Variants in KIF13A observed in about 807,000 individuals in gnomAD.
KIF13A encodes the protein kinesin family member 13A.
KIF13A carries 79 observed loss-of-function variants against 212.2 expected under a neutral mutation model. That is an observed-to-expected ratio of 0.37 (90% confidence interval 0.31 to 0.45). KIF13A has a LOEUF of 0.45. KIF13A is among the 20% of genes least tolerant of loss of function. The pLI is 1.00. For missense variants in KIF13A, 1,901 were observed against 2,209.0 expected (o/e 0.86, Z 2.79); for synonymous variants, 789 against 808.6 (o/e 0.98, Z 0.41).
intron 2 of KIF13A, among the ~76,000 whole-genome samples, chr6:17,960,797 G>C (rs1200357958): frequency 6.6e-6 from 1 of 152,202 alleles, no homozygotes; most frequent in Non-Finnish European, 1.5e-5. Flanking sequence ...TAGTGCAGGA[G>C]AAACAGCAAA....
chr6:17,962,800 T>C (rs916906947), intron 2 of KIF13A, among the ~76,000 whole-genome samples: 2 of 152,212 alleles, frequency 1.3e-5, no homozygotes, highest in Non-Finnish European at 2.9e-5. Context: ...AATCTACACC[T>C]TTCCATTTAA....
At chr6:17,830,582 C>T (rs979913837) in intron 13 of KIF13A, among the ~76,000 whole-genome samples, 2 of 152,304 alleles carry the variant, frequency 1.3e-5, no homozygotes, top group South Asian at 2.1e-4. Context: ...CACCTCTACA[C>T]CTGAAGGGTG....
At chr6:17,902,662 C>A (rs1280062245) in intron 2 of KIF13A, among the ~76,000 whole-genome samples, 1 of 152,168 alleles carries the variant, frequency 6.6e-6, no homozygotes, top group Non-Finnish European at 1.5e-5. Flanking sequence ...CTCAATTCCT[C>A]ACCAGCCTTG....
At chr6:17,976,554 C>A (rs573659926) in intron 2 of KIF13A, among the ~76,000 whole-genome samples, 1 of 152,310 alleles carries the variant, frequency 6.6e-6, no homozygotes, top group Non-Finnish European at 1.5e-5. Context: ...GCCCCGGTTC[C>A]CGCTCGCGCC....
Position 17,773,657 on chromosome 6 carries a change from C to T in KIF13A, c.4219-74G>A. ...AGAAATAAAGCCCAGGTTGGAGTTTCTTCTGTTTTTTTTTAATGGCAGCAT... is the reference window on the plus strand; with the variant it reads ...AGAAATAAAGCCCAGGTTGGAGTTTTTTCTGTTTTTTTTTAATGGCAGCAT... On this transcript the variant is annotated intron_variant, in intron 35 of 38. Transcript: ENST00000259711. This position sits in a 1 kb window ranked among gnomAD's most constrained non-coding sequence, Gnocchi z 4.2. 1 of 781,926 alleles carries T rather than the reference C, an allele frequency of 1.3e-6. No homozygotes were observed. Among genetic ancestry groups the T allele is most frequent in the Non-Finnish European group, 2.1e-6 (1 of 487,456 alleles). The allele number at this position is 781,926 out of a possible 1,614,324, so 48.4% of individuals were successfully genotyped here.
At chr6:17,780,992 A>G in intron 30 of KIF13A, 86 bp from the exon 31 acceptor site, 2 of 1,383,936 alleles carry the variant, frequency 1.4e-6, no homozygotes, top group South Asian at 1.3e-5. Flanking sequence ...GAAAGAAAAT[A>G]AATTCAACTC....
chr6:17,885,166 T>C (rs1020443314), intron 3 of KIF13A, among the ~76,000 whole-genome samples: 2 of 151,888 alleles, frequency 1.3e-5, no homozygotes, highest in African/African-American at 4.8e-5. Context: ...GGAACTGGAC[T>C]GAAACTGAAA....
Position 17,876,382 on chromosome 6 carries a change from A to C in KIF13A, c.160-2945T>G, listed in dbSNP as rs145516612. Among the ~76,000 whole-genome samples, 10 of 152,296 alleles carry C rather than the reference A, an allele frequency of 6.6e-5. No homozygotes were observed. The East Asian group carries it at 1.9e-3, about 29-fold the overall frequency. On this transcript the variant is annotated intron_variant, in intron 3 of 38. Transcript: ENST00000259711. Reference sequence around the variant, plus strand: ...TGGAACTTGTCCTTACCTCAGAATTACTAAGTATAATTTCATCTCTGTCCT... The same window carrying C: ...TGGAACTTGTCCTTACCTCAGAATTCCTAAGTATAATTTCATCTCTGTCCT...
chr6:17,987,447 A>C lies in KIF13A; in HGVS notation c.17T>G (p.Val6Gly). 7.5e-7 allele frequency: 1 copy of C among 1,334,032 alleles called. No individual in the cohort carries two copies. 82.6% of individuals were successfully genotyped at this position (1,334,032 alleles called of 1,614,324 possible). A position where few individuals can be genotyped will look rare whatever the true frequency, so the allele number is the denominator to read the frequency against. MSDTKVKVAVRVRPMN... is the reference protein window; with the variant it reads MSDTKGKVAVRVRPMN... Reference sequence around the variant, plus strand: ...GGGCCGGACCCGGACGGCAACTTTTACCTTGGTATCCGACATGTTGGCTGC... The same window carrying C: ...GGGCCGGACCCGGACGGCAACTTTTCCCTTGGTATCCGACATGTTGGCTGC... The change falls in exon 1 of 39, where the codon GTA becomes GGA. Residue 6 changes from valine to glycine, a missense_variant. By Grantham distance (109) the Val-to-Gly change is moderately radical (BLOSUM62 -3). This residue lies in a region of KIF13A where 506 missense variants were observed against 637.4 expected (regional missense o/e 0.79). Transcript: ENST00000259711. This position sits in a 1 kb window ranked among gnomAD's most constrained non-coding sequence, Gnocchi z 7.7.
At position 17,794,566 on chromosome 6, in the gene KIF13A, C is replaced by G; in HGVS notation, c.3075+6G>C. 1 of 1,597,176 alleles carries G rather than the reference C, an allele frequency of 6.3e-7. No individual in the cohort carries two copies. The highest frequency in any genetic ancestry group is 8.5e-7 in the Non-Finnish European group (1 of 1,175,034). On this transcript the variant is annotated splice_donor_region_variant and intron_variant, in intron 24 of 38. Transcript: ENST00000259711. This position sits in a 1 kb window ranked among gnomAD's most constrained non-coding sequence, Gnocchi z 4.1. ...ATTAAAAAAAAACCCAAAACAAACT[C>G]AGTACCTGTCTAAGTTGAAAGATGC... is the stretch of plus-strand genomic sequence containing the variant.
rs1407863633 is a variant in KIF13A at position 17,883,775 on chromosome 6, G to C, written c.160-10338C>G. Reference sequence around the variant, plus strand: ...AAAAGAAGAAGGAAGGGGAGAGCCAGGTGCAATGGTATGCACCTGCAGTCC... The same window carrying C: ...AAAAGAAGAAGGAAGGGGAGAGCCACGTGCAATGGTATGCACCTGCAGTCC... On this transcript the variant is annotated intron_variant, in intron 3 of 38. Transcript: ENST00000259711. The surrounding 1 kb of genome is among the most constrained non-coding windows in gnomAD (Gnocchi z 4.8). Among the ~76,000 whole-genome samples, 1 of 152,164 alleles carries C rather than the reference G, an allele frequency of 6.6e-6. No homozygotes were observed. Among genetic ancestry groups the C allele is most frequent in the East Asian group, 1.9e-4 (1 of 5,192 alleles).
chr6:17,941,457 C>T (rs1776948430), intron 2 of KIF13A, among the ~76,000 whole-genome samples: 1 of 152,156 alleles, frequency 6.6e-6, no homozygotes, highest in African/African-American at 2.4e-5. Context: ...CAGAATGCGA[C>T]ATCTGGAGAT....
chr6:17,973,788 T>C (rs1450529006), intron 2 of KIF13A, among the ~76,000 whole-genome samples: 2 of 152,214 alleles, frequency 1.3e-5, no homozygotes, highest in African/African-American at 4.8e-5. Context: ...TGCTGCTCCA[T>C]AGCCCAGATC....
At chr6:17,904,671 A>G (rs1323054898) in intron 2 of KIF13A, among the ~76,000 whole-genome samples, 1 of 152,176 alleles carries the variant, frequency 6.6e-6, no homozygotes, top group African/African-American at 2.4e-5. Flanking sequence ...TTCCTTCCCC[A>G]CACTTCACTC....
intron 2 of KIF13A, among the ~76,000 whole-genome samples, chr6:17,904,274 C>T (rs1288272490): frequency 2.0e-5 from 3 of 151,962 alleles, no homozygotes; most frequent in Non-Finnish European, 4.4e-5. Context: ...TCAAGACCAG[C>T]CTGGCCAAGA....
intron 4 of KIF13A, among the ~76,000 whole-genome samples, chr6:17,870,013 T>G (rs886289069): frequency 6.6e-6 from 1 of 152,228 alleles, no homozygotes; most frequent in Non-Finnish European, 1.5e-5. Flanking sequence ...GAAGGAATTG[T>G]TATTTTTTAA....
chr6:17,779,245 ATATATATATATATTTTTTTTTTTTTTTTT>A (rs772355224), intron 32 of KIF13A, 146 bp from the exon 33 acceptor site: 42,719 of 95,822 alleles, frequency 0.45, 3,460 homozygotes, highest in Middle Eastern at 0.5. Context: ...GCATATATAT[ATATATATATATATTTTTTTTTTTTTTTTT>A]TTTTTTTTTT....
intron 18 of KIF13A, 100 bp from the exon 19 acceptor site, chr6:17,805,715 C>CA: frequency 2.0e-6 from 2 of 1,000,726 alleles, no homozygotes; most frequent in Non-Finnish European, 2.9e-6. Context: ...TTGCAAAACA[C>CA]ATAAATGCAT....
In KIF13A at chr6:17,763,910, A is replaced by G. The variant is rs1047894136; in HGVS notation, c.*200T>C. ...TTCAACACCAACCCATGTGCCAGGT[A>G]AAAAAATCCACTGGTCTTATAATTT... On this transcript the variant is annotated 3_prime_UTR_variant, in exon 39 of 39. Transcript: ENST00000259711. 1.4e-6 allele frequency: 2 copies of G among 1,417,880 alleles called. No homozygotes were observed. The highest frequency in any genetic ancestry group is 2.6e-4 in the Middle Eastern group (1 of 3,796). 87.8% of individuals were successfully genotyped at this position (1,417,880 alleles called of 1,614,324 possible).
Sources: allele counts gnomAD v4.1 joint callset (sites outside exome capture counted in the v4.1 genomes callset), GRCh38; gene constraint gnomAD v4.1.1; regional missense constraint gnomAD v4.1.1; non-coding constraint Gnocchi (gnomAD v3.1); transcripts MANE v1.5; gene names NCBI Gene and HGNC (gene_info 2026-07-23, HGNC 2026-07-21).